The following COPG2 variants were observed in gnomAD, a reference collection of about 807,000 sequenced individuals.
COPG2 encodes the protein coat protein complex I subunit gamma 2.
In COPG2, 37 loss-of-function variants were observed where a neutral mutation model predicts 46.3. That is an observed-to-expected ratio of 0.80 (90% CI 0.61 to 1.05). COPG2 has a LOEUF of 1.05. COPG2 is among the 50% of genes least tolerant of loss of function. The pLI is 0.00. For missense variants in COPG2, 427 were observed against 387.8 expected (o/e 1.10, Z -0.85); for synonymous variants, 159 against 129.7 (o/e 1.23, Z -1.53).
chr7:130,596,266 C>T (rs1563054206), intron 9 of COPG2, among the ~76,000 whole-genome samples: 1 of 152,194 alleles, frequency 6.6e-6, no homozygotes. Context: ...TCTCTTTAAA[C>T]CCTGCTTTTG....
chr7:130,645,241 T>C, intron 5 of COPG2: 1 of 694,586 alleles, frequency 1.4e-6, no homozygotes, highest in Admixed American at 1.8e-5. Context: ...AAGGCTCTTG[T>C]TCATCCAGCT....
intron 1 of COPG2, 67 bp downstream of exon 1, chr7:130,668,565 A>AGGT: frequency 7.0e-7 from 1 of 1,420,446 alleles, no homozygotes; most frequent in Non-Finnish European, 9.4e-7. Flanking sequence ...GCCTGAAAGC[A>AGGT]GGTGGCGGCG....
chr7:130,533,674 T>C (rs1422144872), intron 20 of COPG2, among the ~76,000 whole-genome samples: 1 of 152,026 alleles, frequency 6.6e-6, no homozygotes, highest in Non-Finnish European at 1.5e-5. Context: ...ACAAAGAAGC[T>C]GGCAGTGGCA....
intron 5 of COPG2, among the ~76,000 whole-genome samples, chr7:130,620,554 G>C (rs1795021763): frequency 6.6e-6 from 1 of 152,000 alleles, no homozygotes; most frequent in Non-Finnish European, 1.5e-5. Flanking sequence ...TCCTCTCATT[G>C]TCTCCCTTTC....
chr7:130,519,776 G>C (rs1799710370), intron 20 of COPG2, among the ~76,000 whole-genome samples: 1 of 152,186 alleles, frequency 6.6e-6, no homozygotes. Context: ...GAATTAGAAA[G>C]CAGTTTTGAG....
At chr7:130,648,664 C>T (rs1554458674) in intron 5 of COPG2, among the ~76,000 whole-genome samples, 1 of 152,226 alleles carries the variant, frequency 6.6e-6, no homozygotes, top group Non-Finnish European at 1.5e-5. Flanking sequence ...AAAGGGAAGA[C>T]ATCATTGGTC....
chr7:130,595,812 C>T (rs961321170), intron 9 of COPG2, among the ~76,000 whole-genome samples: 7 of 151,654 alleles, frequency 4.6e-5, no homozygotes, highest in African/African-American at 1.7e-4. Flanking sequence ...GACCCCCCCC[C>T]TCCAGCCTAC....
At chr7:130,622,238 C>T (rs1795052709) in intron 5 of COPG2, among the ~76,000 whole-genome samples, 1 of 152,196 alleles carries the variant, frequency 6.6e-6, no homozygotes, top group South Asian at 2.1e-4. Context: ...TTATGAAATA[C>T]ATCTCAGAAC....
chr7:130,658,742 A>G (rs1302729370), intron 4 of COPG2, among the ~76,000 whole-genome samples: 1 of 151,898 alleles, frequency 6.6e-6, no homozygotes, highest in Non-Finnish European at 1.5e-5. Flanking sequence ...GTGCAGTGGC[A>G]CGATCTCAGC....
chr7:130,557,628 G>A (rs918611149), intron 12 of COPG2, among the ~76,000 whole-genome samples: 70 of 151,762 alleles, frequency 4.6e-4, no homozygotes, highest in African/African-American at 1.6e-3. Flanking sequence ...CCAACGTGGT[G>A]AAACCTCGTC....
At chr7:130,507,501 G>A in intron 22 of COPG2, 129 bp from the exon 23 acceptor site, 1 of 697,586 alleles carries the variant, frequency 1.4e-6, no homozygotes, top group Non-Finnish European at 2.6e-6. Context: ...GATGTGTAGA[G>A]GGAGGCTACT....
At chr7:130,533,555 G>T (rs1439110987) in intron 20 of COPG2, among the ~76,000 whole-genome samples, 1 of 152,022 alleles carries the variant, frequency 6.6e-6, no homozygotes, top group Non-Finnish European at 1.5e-5. Context: ...GAAGGTCGGG[G>T]GGATGCCATC....
intron 20 of COPG2, among the ~76,000 whole-genome samples, chr7:130,519,715 T>C (rs1336245945): frequency 6.6e-6 from 1 of 152,100 alleles, no homozygotes; most frequent in Non-Finnish European, 1.5e-5. Context: ...CCAAAGCTCA[T>C]GATAGAAAAA....
chr7:130,616,874 T>C (rs1175549373), intron 6 of COPG2, 116 bp downstream of exon 6: 2 of 591,318 alleles, frequency 3.4e-6, no homozygotes, highest in Admixed American at 3.3e-5. Context: ...GGTGATCATG[T>C]TTCTCTTATA....
chr7:130,553,830 G>C (rs1793573062), intron 14 of COPG2, among the ~76,000 whole-genome samples: 1 of 152,180 alleles, frequency 6.6e-6, no homozygotes, highest in Non-Finnish European at 1.5e-5. Flanking sequence ...CAAGGCTATG[G>C]GGTTTCACGA....
chr7:130,532,533 G>A (rs1799838339), intron 20 of COPG2, among the ~76,000 whole-genome samples: 1 of 152,050 alleles, frequency 6.6e-6, no homozygotes, highest in Non-Finnish European at 1.5e-5. Context: ...AGGAGAGTCA[G>A]GTTGAGACTG....
rs555689596 is a variant in COPG2 at position 130,657,758 on chromosome 7, C to T, written c.244-4810G>A. Among the ~76,000 whole-genome samples, 13 of 151,756 alleles carry T rather than the reference C, an allele frequency of 8.6e-5. No homozygotes were observed. The South Asian group carries it at 2.3e-3, about 27-fold the overall frequency. On this transcript the variant is annotated intron_variant, in intron 4 of 23. Coordinates refer to ENST00000425248, the MANE Select transcript of COPG2 (RefSeq NM_012133.6). ...AAATCCTTCACCAACAGAAGATATA[C>T]GGAAGGTAAAAATACAAATGAAAAG... is the stretch of plus-strand genomic sequence containing the variant.
At chr7:130,618,100 CAAAAA>C (rs10695449) in intron 5 of COPG2, among the ~76,000 whole-genome samples, 27 of 64,594 alleles carry the variant, frequency 4.2e-4, no homozygotes, top group African/African-American at 1.0e-3. Flanking sequence ...GACCCTGTCT[CAAAAA>C]AAAAAAAAAA....
chr7:130,591,999 GC>G (rs1554449063), intron 9 of COPG2, among the ~76,000 whole-genome samples: 2 of 152,240 alleles, frequency 1.3e-5, no homozygotes, highest in African/African-American at 4.8e-5. Context: ...TCGGATGGTT[GC>G]CGTGTCTGTG....
Sources: allele counts gnomAD v4.1 joint callset (sites outside exome capture counted in the v4.1 genomes callset), GRCh38; gene constraint gnomAD v4.1.1; transcripts MANE v1.5; gene names NCBI Gene and HGNC (gene_info 2026-07-23, HGNC 2026-07-21).